Variants in SLC5A5 observed in about 807,000 individuals in gnomAD.
The protein encoded by SLC5A5 is sodium/iodide cotransporter.
In SLC5A5, 56 loss-of-function variants were observed where a neutral mutation model predicts 68.6. The ratio of observed to expected loss-of-function variants is 0.82; its 90% CI spans 0.66 to 1.02. SLC5A5 has a LOEUF of 1.02. Among genes scored for constraint, SLC5A5 ranks in the 50% least tolerant of loss-of-function variants. The probability of loss-of-function intolerance (pLI) is 0.00; values close to 1 mark genes in which losing one functional copy is unlikely to be tolerated. For missense variants in SLC5A5, 807 were observed against 859.8 expected (o/e 0.94, Z 0.77); for synonymous variants, 398 against 373.0 (o/e 1.07, Z -0.77).
intron 1 of SLC5A5, 66 bp from the exon 2 acceptor site, chr19:17,874,072 A>C: frequency 5.2e-6 from 6 of 1,144,068 alleles, no homozygotes; most frequent in Non-Finnish European, 8.0e-6. Flanking sequence ...AGAGCAGACC[A>C]GGGACCCGAG....
chr19:17,874,069 A>T, intron 1 of SLC5A5, 69 bp from the exon 2 acceptor site: 1 of 1,131,692 alleles, frequency 8.8e-7, no homozygotes, highest in Non-Finnish European at 1.3e-6. Context: ...TAGAGAGCAG[A>T]CCAGGGACCC....
At chr19:17,878,445 C>T (rs531964608) in intron 7 of SLC5A5, among the ~76,000 whole-genome samples, 7 of 151,684 alleles carry the variant, frequency 4.6e-5, no homozygotes, top group East Asian at 3.9e-4. Flanking sequence ...GCGGAGGTTG[C>T]GATGAAGGGA....
In SLC5A5 at chr19:17,872,402, C is replaced by T; in HGVS notation, c.83C>T (p.Thr28Ile). Residue 28 changes from threonine to isoleucine, a missense_variant, in exon 1 of 15, where the codon ACT (threonine) becomes ATT (isoleucine). Transcript: ENST00000222248. The part of the protein sequence containing the change: ...GVFALMLLVS[T>I]GIGLWVGLAR... ...TTTGCCCTCATGCTCCTGGTGTCCA[C>T]TGGCATCGGGCTGTGGGTCGGGCTG... is the stretch of plus-strand genomic sequence containing the variant. The T allele has an allele frequency of 6.2e-7, 1 of 1,606,196 alleles. No individual in the cohort carries two copies.
At chr19:17,889,398 A>AAGAG in intron 13 of SLC5A5, among the ~76,000 whole-genome samples, 1 of 117,448 alleles carries the variant, frequency 8.5e-6, no homozygotes, top group East Asian at 2.9e-4. Context: ...GACTCCATCT[A>AAGAG]AAAGAAAGAA....
intron 12 of SLC5A5, among the ~76,000 whole-genome samples, chr19:17,886,006 A>G (rs2029904046): frequency 6.6e-6 from 1 of 151,940 alleles, no homozygotes. Flanking sequence ...GGTCACAGGC[A>G]TATGCCACCA....
rs143143563 is a variant in SLC5A5, at chr19:17,893,607, G to A, written c.1768-106G>A. 1.6e-4 allele frequency: 185 copies of A among 1,127,244 alleles called. No individual in the cohort carries two copies. The African/African-American group carries it at 2.4e-3, about 14-fold the overall frequency. The allele number at this position is 1,127,244 out of a possible 1,614,324, so 69.8% of individuals were successfully genotyped here. ...GGGGATAGTATGCAATTCTGTGCAC[G>A]CCCCGTCCCGCCAGGTCATCAGTAG... On this transcript the variant is annotated intron_variant, in intron 14 of 14. Transcript: ENST00000222248.
At chr19:17,893,632 G>C in intron 14 of SLC5A5, 81 bp from the exon 15 acceptor site, 1 of 1,419,688 alleles carries the variant, frequency 7.0e-7, no homozygotes, top group Non-Finnish European at 9.9e-7. Flanking sequence ...GTCATCAGTA[G>C]CCCATCTGGG....
At chr19:17,880,276 G>A (rs189365141) in intron 7 of SLC5A5, among the ~76,000 whole-genome samples, 2 of 149,972 alleles carry the variant, frequency 1.3e-5, no homozygotes, top group East Asian at 2.0e-4. Context: ...GTGCAACGGC[G>A]CGATCTCCGC....
chr19:17,891,543 T>C (rs767887498), intron 14 of SLC5A5, among the ~76,000 whole-genome samples: 6 of 152,174 alleles, frequency 3.9e-5, no homozygotes, highest in Non-Finnish European at 8.8e-5. Flanking sequence ...TCATAAGGAC[T>C]GAACAAAGTT....
At chr19:17,875,920 G>A (rs1405263189) in intron 4 of SLC5A5, 32 bp from the exon 5 acceptor site, 28 of 1,613,532 alleles carry the variant, frequency 1.7e-5, no homozygotes, top group South Asian at 4.4e-5. Flanking sequence ...CCATCTAACC[G>A]CCCCTCTCCC....
chr19:17,879,889 C>T (rs1278198035), intron 7 of SLC5A5, among the ~76,000 whole-genome samples: 1 of 150,696 alleles, frequency 6.6e-6, no homozygotes, highest in Admixed American at 6.6e-5. Context: ...CATAGGGAGA[C>T]CCCATCTTTA....
rs879043044 is a variant in SLC5A5, at chr19:17,875,985, T to C, written c.577T>C (p.Phe193Leu). 1 of 1,614,164 alleles carries C rather than the reference T, an allele frequency of 6.2e-7. No homozygotes were observed. The highest frequency in any genetic ancestry group is 2.2e-5 in the East Asian group (1 of 44,886). ...GAAGGCTGTGGTCTGGACTGATGTGTTCCAGGTCGTGGTGATGCTAAGTGG... is the reference window on the plus strand; with the variant it reads ...GAAGGCTGTGGTCTGGACTGATGTGCTCCAGGTCGTGGTGATGCTAAGTGG... ...GMKAVVWTDV[F>L]QVVVMLSGFW... The change falls in exon 5 of 15, where the codon TTC becomes CTC. Residue 193 changes from phenylalanine to leucine, a missense_variant. Phe to Leu is a conservative substitution (Grantham distance 22). Transcript: ENST00000222248.
intron 1 of SLC5A5, among the ~76,000 whole-genome samples, chr19:17,873,711 G>C (rs1407617568): frequency 6.6e-6 from 1 of 152,190 alleles, no homozygotes; most frequent in Non-Finnish European, 1.5e-5. Flanking sequence ...AGCCGAGATC[G>C]TGCCAGTGCA....
chr19:17,888,147 G>C (rs779365556), intron 12 of SLC5A5, among the ~76,000 whole-genome samples, 184 bp from the exon 13 acceptor site: 3 of 152,058 alleles, frequency 2.0e-5, no homozygotes, highest in Non-Finnish European at 2.9e-5. Flanking sequence ...GACGTCTAGG[G>C]TGGGGATGGG....
intron 10 of SLC5A5, among the ~76,000 whole-genome samples, chr19:17,882,842 C>A (rs1568423058): frequency 6.6e-6 from 1 of 152,166 alleles, no homozygotes; most frequent in African/African-American, 2.4e-5. Flanking sequence ...CGCCACCACG[C>A]CTGACTAATT....
At chr19:17,874,096 T>A in intron 1 of SLC5A5, 42 bp from the exon 2 acceptor site, 1 of 1,480,562 alleles carries the variant, frequency 6.8e-7, no homozygotes, top group Non-Finnish European at 9.4e-7. Flanking sequence ...CCTCGGCTCC[T>A]GGGTAAGGAC....
Position 17,895,054 on chromosome 19 carries a change from G to C in SLC5A5, c.*1177G>C, listed in dbSNP as rs796553634. 6 of 151,870 alleles carry C rather than the reference G, an allele frequency of 4.0e-5. No individual in the cohort carries two copies. Among genetic ancestry groups the C allele is most frequent in the African/African-American group, 1.2e-4 (5 of 41,396 alleles). The allele number at this position is 151,870 out of a possible 1,614,324, so 9.4% of individuals were successfully genotyped here. ...GCCAGCAACAACCAGAAATCAGGAG[G>C]GGGGCATGAGATGCATTATTTCTTA... On this transcript the variant is annotated 3_prime_UTR_variant, in exon 15 of 15. Coordinates refer to ENST00000222248, the MANE Select transcript of SLC5A5 (RefSeq NM_000453.3).
Position 17,872,231 on chromosome 19 carries a change from C to A in SLC5A5, c.-89C>A. The A allele has an allele frequency of 6.7e-6, 4 of 595,340 alleles. No homozygotes were observed. Among genetic ancestry groups the A allele is most frequent in the East Asian group, 3.3e-5 (1 of 30,094 alleles). 36.9% of individuals were successfully genotyped at this position (595,340 alleles called of 1,614,324 possible). ...TGCCGAGCATCCTCCCACCCGCCCT[C>A]CCCGTCCTGCCTCCTCGGCCCCTGC... is the stretch of plus-strand genomic sequence containing the variant. On this transcript the variant is annotated 5_prime_UTR_variant, in exon 1 of 15. Coordinates refer to ENST00000222248, the MANE Select transcript of SLC5A5 (RefSeq NM_000453.3).
intron 12 of SLC5A5, 131 bp from the exon 13 acceptor site, chr19:17,888,200 C>T (rs1393167068): frequency 2.7e-6 from 3 of 1,106,696 alleles, no homozygotes; most frequent in African/African-American, 1.5e-5. Flanking sequence ...CAGATCTGGG[C>T]AGACAGTAAT....
Sources: allele counts gnomAD v4.1 joint callset (sites outside exome capture counted in the v4.1 genomes callset), GRCh38; gene constraint gnomAD v4.1.1; transcripts MANE v1.5; gene names NCBI Gene and HGNC (gene_info 2026-07-23, HGNC 2026-07-21).